Variants in RASGRF2 observed in about 807,000 individuals in gnomAD.
RASGRF2 encodes the protein Ras protein specific guanine nucleotide releasing factor 2.
A neutral mutation model predicts 151.0 loss-of-function variants in RASGRF2; 76 were observed. The observed-to-expected ratio is 0.50, with a 90% CI of 0.42 to 0.61. The LOEUF (loss-of-function observed/expected upper bound fraction) is 0.61. RASGRF2 is among the 20% of genes least tolerant of loss of function. The probability of loss-of-function intolerance (pLI) is 0.00; values close to 1 mark genes in which losing one functional copy is unlikely to be tolerated. For missense variants in RASGRF2, 1,148 were observed against 1,564.6 expected (o/e 0.73, Z 4.49); for synonymous variants, 504 against 566.5 (o/e 0.89, Z 1.57).
chr5:81,153,967 G>A (rs911329018), intron 17 of RASGRF2, among the ~76,000 whole-genome samples: 7 of 145,682 alleles, frequency 4.8e-5, no homozygotes, highest in Admixed American at 2.7e-4. Context: ...TAACAGCAAA[G>A]AGCGGTGTTT....
chr5:81,078,181 T>C (rs1001073754), intron 5 of RASGRF2, among the ~76,000 whole-genome samples: 2 of 152,192 alleles, frequency 1.3e-5, no homozygotes, highest in African/African-American at 4.8e-5. Flanking sequence ...TATAAGCATA[T>C]GATGTAAAAT....
intron 17 of RASGRF2, among the ~76,000 whole-genome samples, chr5:81,140,526 G>A (rs534704218): frequency 2.1e-5 from 3 of 145,322 alleles, no homozygotes; most frequent in Admixed American, 6.7e-5. Flanking sequence ...ACTGGTGTGA[G>A]TACACTCCTG....
intron 18 of RASGRF2, among the ~76,000 whole-genome samples, chr5:81,196,021 G>A (rs962539821): frequency 6.6e-6 from 1 of 152,242 alleles, no homozygotes; most frequent in African/African-American, 2.4e-5. Flanking sequence ...CACTTTGGGA[G>A]GCCAAGAAGG....
At chr5:81,120,211 T>G (rs766045349) in intron 15 of RASGRF2, among the ~76,000 whole-genome samples, 14 of 152,246 alleles carry the variant, frequency 9.2e-5, no homozygotes, top group Non-Finnish European at 1.9e-4. Context: ...TTTTAATGCA[T>G]TTATTTCCCA....
intron 5 of RASGRF2, among the ~76,000 whole-genome samples, chr5:81,076,458 GC>G (rs1389718537): frequency 2.0e-5 from 3 of 152,174 alleles, no homozygotes; most frequent in African/African-American, 4.8e-5. Context: ...CGCTGATGGG[GC>G]AGATGGGAGG....
intron 2 of RASGRF2, among the ~76,000 whole-genome samples, chr5:81,062,767 T>C (rs1474374959): frequency 6.6e-6 from 1 of 152,202 alleles, no homozygotes; most frequent in East Asian, 1.9e-4. Context: ...TCTACCTTCC[T>C]TTACTTCATC....
chr5:81,050,505 A>G (rs1304269327), intron 2 of RASGRF2, among the ~76,000 whole-genome samples: 1 of 152,162 alleles, frequency 6.6e-6, no homozygotes, highest in Non-Finnish European at 1.5e-5. Flanking sequence ...GGAGTGAGCC[A>G]GTCCAAGCGA....
intron 5 of RASGRF2, among the ~76,000 whole-genome samples, chr5:81,078,841 G>A (rs1175675053): frequency 6.6e-6 from 1 of 152,188 alleles, no homozygotes; most frequent in Non-Finnish European, 1.5e-5. Flanking sequence ...GAATCTGTTG[G>A]AAAGGCTGGG....
At chr5:81,146,471 T>C (rs1178861839) in intron 17 of RASGRF2, among the ~76,000 whole-genome samples, 1 of 141,632 alleles carries the variant, frequency 7.1e-6, no homozygotes, top group Non-Finnish European at 1.6e-5. Flanking sequence ...TTATAAGGTA[T>C]TTAGAAGTAT....
chr5:81,025,747 A>G (rs980140876), intron 1 of RASGRF2, among the ~76,000 whole-genome samples: 5 of 152,084 alleles, frequency 3.3e-5, no homozygotes, highest in African/African-American at 1.2e-4. Context: ...TATATATAGT[A>G]TGATTCTTAG....
chr5:81,147,586 C>T (rs990886698), intron 17 of RASGRF2, among the ~76,000 whole-genome samples: 15 of 152,212 alleles, frequency 9.9e-5, no homozygotes, highest in Non-Finnish European at 1.9e-4. Context: ...GTGATGTGCT[C>T]TTATGTGTGT....
At chr5:81,085,984 A>T in intron 8 of RASGRF2, 73 bp downstream of exon 8, 1 of 1,596,314 alleles carries the variant, frequency 6.3e-7, no homozygotes. Context: ...AACCTCCTGT[A>T]TATGTTCTAA....
chr5:80,970,503 TTTA>T (rs1561531908), intron 1 of RASGRF2, among the ~76,000 whole-genome samples: 2 of 152,080 alleles, frequency 1.3e-5, no homozygotes, highest in Non-Finnish European at 2.9e-5. Context: ...TTTCAGTGTG[TTTA>T]TCCCCGTTTG....
At chr5:81,013,951 T>C (rs1259141771) in intron 1 of RASGRF2, among the ~76,000 whole-genome samples, 1 of 152,152 alleles carries the variant, frequency 6.6e-6, no homozygotes, top group Non-Finnish European at 1.5e-5. Context: ...TGAGAATGTT[T>C]TTATACTCAT....
chr5:81,099,607 TCAA>T (rs1167532984), intron 12 of RASGRF2, among the ~76,000 whole-genome samples: 2 of 152,222 alleles, frequency 1.3e-5, no homozygotes, highest in African/African-American at 4.8e-5. Flanking sequence ...CACTACATCA[TCAA>T]CAAGGTATCT....
At chr5:81,048,785 CTCTTA>C (rs1750917103) in intron 2 of RASGRF2, among the ~76,000 whole-genome samples, 1 of 152,204 alleles carries the variant, frequency 6.6e-6, no homozygotes, top group African/African-American at 2.4e-5. Flanking sequence ...TTCCATTTCT[CTCTTA>C]TATTTCCAGT....
chr5:80,980,835 T>C (rs996213015), intron 1 of RASGRF2, among the ~76,000 whole-genome samples: 1 of 152,280 alleles, frequency 6.6e-6, no homozygotes, highest in Admixed American at 6.5e-5. Flanking sequence ...AGCGTCTCTG[T>C]AATTTTGAGG....
At chr5:81,113,973 C>G in intron 15 of RASGRF2, 53 bp downstream of exon 15, 2 of 1,542,178 alleles carry the variant, frequency 1.3e-6, no homozygotes, top group Non-Finnish European at 1.8e-6. Context: ...GGCCGCCTGC[C>G]TCCTCACCCT....
intron 13 of RASGRF2, among the ~76,000 whole-genome samples, chr5:81,111,126 G>A (rs1053372996): frequency 6.6e-6 from 1 of 152,200 alleles, no homozygotes; most frequent in African/African-American, 2.4e-5. Flanking sequence ...GCGCTGAAAG[G>A]GCTAATTAAA....
Sources: allele counts gnomAD v4.1 joint callset (sites outside exome capture counted in the v4.1 genomes callset), GRCh38; gene constraint gnomAD v4.1.1; transcripts MANE v1.5; gene names NCBI Gene and HGNC (gene_info 2026-07-23, HGNC 2026-07-21).